ANXA2: variants seen among roughly 807,000 people sequenced by gnomAD.
ANXA2 encodes the protein annexin II.
ANXA2 carries 28 observed loss-of-function variants against 47.3 expected under a neutral mutation model. The ratio of observed to expected loss-of-function variants is 0.59; its 90% CI spans 0.44 to 0.81. The LOEUF is 0.81. ANXA2 is among the 40% of genes least tolerant of loss of function. The probability of loss-of-function intolerance (pLI) is 0.00; values close to 1 mark genes in which losing one functional copy is unlikely to be tolerated. For synonymous variants in ANXA2, 172 were observed against 155.5 expected, an observed-to-expected ratio of 1.11 and a Z score of -0.79; for missense variants, 384 against 414.3, an observed-to-expected ratio of 0.93 and a Z score of 0.64.
intron 4 of ANXA2, among the ~76,000 whole-genome samples, chr15:60,363,975 G>T (rs929513888): frequency 1.3e-5 from 2 of 152,178 alleles, no homozygotes; most frequent in Admixed American, 6.5e-5. Flanking sequence ...GCCTGTTGTT[G>T]TTATTGTTGT....
At chr15:60,358,889 T>C (rs1038846013) in intron 5 of ANXA2, among the ~76,000 whole-genome samples, 4 of 152,206 alleles carry the variant, frequency 2.6e-5, no homozygotes, top group African/African-American at 7.2e-5. Context: ...TTTCCTTCCA[T>C]CACTGATATA....
At chr15:60,348,937 T>G in intron 12 of ANXA2, 138 bp downstream of exon 12, 2 of 909,758 alleles carry the variant, frequency 2.2e-6, no homozygotes, top group Non-Finnish European at 3.3e-6. Context: ...AAATCCCTGA[T>G]AGTTGATGAC....
At chr15:60,377,397 A>G (rs1241453290) in intron 3 of ANXA2, among the ~76,000 whole-genome samples, 1 of 152,234 alleles carries the variant, frequency 6.6e-6, no homozygotes, top group Non-Finnish European at 1.5e-5. Flanking sequence ...ACAGAAATAC[A>G]GAATATACTG....
intron 3 of ANXA2, among the ~76,000 whole-genome samples, chr15:60,379,528 G>T (rs977441198): frequency 1.4e-4 from 22 of 152,234 alleles, no homozygotes; most frequent in African/African-American, 5.3e-4. Flanking sequence ...CAACATTATG[G>T]TGCCTAAGAA....
intron 5 of ANXA2, among the ~76,000 whole-genome samples, chr15:60,360,175 G>C (rs1241080408): frequency 6.6e-6 from 1 of 152,196 alleles, no homozygotes; most frequent in Non-Finnish European, 1.5e-5. Context: ...AGAATCTCTT[G>C]AACCCGGGAG....
chr15:60,370,944 G>A (rs939813693), intron 3 of ANXA2, among the ~76,000 whole-genome samples: 2 of 152,182 alleles, frequency 1.3e-5, no homozygotes, highest in Non-Finnish European at 2.9e-5. Context: ...CTAAGCAAAG[G>A]CTCTCCCCAA....
chr15:60,370,626 G>A (rs543000984), intron 3 of ANXA2, among the ~76,000 whole-genome samples: 17 of 152,252 alleles, frequency 1.1e-4, no homozygotes, highest in Admixed American at 2.6e-4. Flanking sequence ...GGACTCGGAC[G>A]GAACCTCGAA....
At chr15:60,368,976 C>T (rs767540367) in intron 3 of ANXA2, among the ~76,000 whole-genome samples, 2 of 152,050 alleles carry the variant, frequency 1.3e-5, no homozygotes, top group African/African-American at 2.4e-5. Context: ...GAGGGGATAG[C>T]TATTTCTCTT....
intron 4 of ANXA2, 94 bp downstream of exon 4, chr15:60,364,335 C>T (rs1171148243): frequency 1.5e-5 from 14 of 957,970 alleles, no homozygotes; most frequent in African/African-American, 4.9e-5. Flanking sequence ...AAGTCTTTTG[C>T]GCATGAGAGC....
intron 3 of ANXA2, among the ~76,000 whole-genome samples, chr15:60,377,102 G>C (rs1187536876): frequency 6.6e-6 from 1 of 152,190 alleles, no homozygotes; most frequent in Non-Finnish European, 1.5e-5. Flanking sequence ...ACTTAGTATT[G>C]TCTCTTCCCG....
chr15:60,354,122 C>A, intron 8 of ANXA2, 32 bp downstream of exon 8: 2 of 1,603,768 alleles, frequency 1.2e-6, no homozygotes, highest in Non-Finnish European at 1.7e-6. Context: ...TACCAGAAAA[C>A]AAAAACTCAA....
At chr15:60,354,299 A>G (rs1050264141) in intron 7 of ANXA2, 86 bp from the exon 8 acceptor site, 2 of 1,080,094 alleles carry the variant, frequency 1.9e-6, no homozygotes, top group African/African-American at 3.2e-5. Context: ...CATGTACGCC[A>G]TTATTTAATT....
chr15:60,397,139 C>T, intron 1 of ANXA2: 1 of 363,836 alleles, frequency 2.7e-6, no homozygotes, highest in Non-Finnish European at 3.8e-6. Flanking sequence ...CTGCACAGAG[C>T]GGCCAGAAGG....
intron 1 of ANXA2, among the ~76,000 whole-genome samples, chr15:60,391,564 G>A (rs1028527288): frequency 1.3e-5 from 2 of 152,150 alleles, no homozygotes; most frequent in Non-Finnish European, 2.9e-5. Context: ...GGGAACCTAT[G>A]AGCCAAAATG....
chr15:60,388,780 T>TA (rs1287587178), intron 1 of ANXA2, among the ~76,000 whole-genome samples: 1 of 150,178 alleles, frequency 6.7e-6, no homozygotes, highest in Non-Finnish European at 1.5e-5. Flanking sequence ...CTCTCTCTGT[T>TA]ACCCAGGCTG....
chr15:60,357,087 C>T, intron 6 of ANXA2, 59 bp downstream of exon 6: 1 of 1,497,862 alleles, frequency 6.7e-7, no homozygotes, highest in Non-Finnish European at 9.3e-7. Flanking sequence ...CCCCAGTGGC[C>T]ATGATAGAGT....
chr15:60,392,386 A>G (rs1035420492), intron 1 of ANXA2, among the ~76,000 whole-genome samples: 52 of 132,638 alleles, frequency 3.9e-4, no homozygotes, highest in African/African-American at 1.3e-3. Flanking sequence ...CAACCTAATA[A>G]TTTAAGGGTT....
At chr15:60,392,254 A>C (rs1458884501) in intron 1 of ANXA2, among the ~76,000 whole-genome samples, 2 of 152,238 alleles carry the variant, frequency 1.3e-5, no homozygotes, top group Non-Finnish European at 2.9e-5. Context: ...ATCATTAATG[A>C]AATCAGTGCA....
At chr15:60,368,477 G>A (rs1203801430) in intron 3 of ANXA2, among the ~76,000 whole-genome samples, 1 of 151,574 alleles carries the variant, frequency 6.6e-6, no homozygotes, top group African/African-American at 2.4e-5. Context: ...TTTTTTCCAT[G>A]TAATGGGATA....
Sources: gnomAD v4.1 joint callset for allele counts (sites outside exome capture counted in the v4.1 genomes callset) on GRCh38, gnomAD v4.1.1 for gene constraint, MANE v1.5 for transcripts, NCBI Gene and HGNC (gene_info 2026-07-23, HGNC 2026-07-21) for gene names.